Variants in MVB12B observed in about 807,000 individuals in gnomAD.
MVB12B encodes multivesicular body subunit 12B, also known as ESCRT-I complex subunit MVB12B.
MVB12B carries 16 observed loss-of-function variants against 41.6 expected under a neutral mutation model. The observed-to-expected ratio is 0.38, with a 90% CI of 0.26 to 0.58. The LOEUF is 0.58. Among genes scored for constraint, MVB12B ranks in the 20% least tolerant of loss-of-function variants. The pLI is 0.62. For missense variants in MVB12B, 274 were observed against 380.2 expected, an observed-to-expected ratio of 0.72 and a Z score of 2.32; for synonymous variants, 133 against 139.7, an observed-to-expected ratio of 0.95 and a Z score of 0.34.
intron 2 of MVB12B, among the ~76,000 whole-genome samples, chr9:126,352,380 G>A (rs1460984311): frequency 6.6e-6 from 1 of 152,102 alleles, no homozygotes; most frequent in African/African-American, 2.4e-5. Context: ...GTGGGTGTGG[G>A]GCCACAGTAT....
chr9:126,423,073 G>A (rs1832072020), intron 7 of MVB12B, among the ~76,000 whole-genome samples: 2 of 152,186 alleles, frequency 1.3e-5, no homozygotes, highest in Admixed American at 1.3e-4. Context: ...AGTCGACAAG[G>A]AGCATAACAA....
chr9:126,395,640 A>G lies in MVB12B; in HGVS notation c.605A>G (p.Gln202Arg). The change falls in exon 6 of 10, where the codon CAA becomes CGA. Residue 202 changes from glutamine (Q) to arginine (R), a missense_variant. Coordinates refer to ENST00000361171, the MANE Select transcript of MVB12B (RefSeq NM_033446.3). This position sits in a 1 kb window ranked among gnomAD's most constrained non-coding sequence, Gnocchi z 4.9. ...GTACCAAGAAATCATGACTCATCTC[A>G]ACCCACAACGCCTTCCCAGTCATCA... Reference protein sequence around the residue: ...GRVPRNHDSSQPTTPSQSSAA... With the variant: ...GRVPRNHDSSRPTTPSQSSAA... 6.2e-7 allele frequency: 1 copy of G among 1,614,098 alleles called. No individual in the cohort carries two copies. The highest frequency in any genetic ancestry group is 8.5e-7 in the Non-Finnish European group (1 of 1,180,004).
At chr9:126,343,362 C>T (rs1829501326) in intron 2 of MVB12B, among the ~76,000 whole-genome samples, 2 of 152,142 alleles carry the variant, frequency 1.3e-5, no homozygotes, top group South Asian at 2.1e-4. Flanking sequence ...GACTATATGT[C>T]ATAGATGACT....
chr9:126,373,678 G>A (rs999184551), intron 2 of MVB12B, among the ~76,000 whole-genome samples: 1 of 152,206 alleles, frequency 6.6e-6, no homozygotes, highest in Non-Finnish European at 1.5e-5. Context: ...AACCTCTGAC[G>A]GTTGAAATGA....
chr9:126,330,829 A>C (rs370239917), intron 1 of MVB12B, among the ~76,000 whole-genome samples: 14 of 152,222 alleles, frequency 9.2e-5, no homozygotes, highest in African/African-American at 3.4e-4. Flanking sequence ...TACCCTAGGT[A>C]GTCAAACTGT....
In MVB12B at chr9:126,505,573, T is replaced by A. The variant is rs769095293; in HGVS notation, c.*2310T>A. On this transcript the variant is annotated 3_prime_UTR_variant, in exon 10 of 10. Coordinates refer to ENST00000361171, the MANE Select transcript of MVB12B (RefSeq NM_033446.3). ...AAGCAGAGACAGTGTTAAGGACGAG[T>A]TGGTGTCTGTGGTAGCTTTTAGGCT... The A allele has an allele frequency of 2.6e-5, 4 of 151,944 alleles. No homozygotes were observed. The highest frequency in any genetic ancestry group is 4.4e-5 in the Non-Finnish European group (3 of 67,974). The allele number at this position is 151,944 out of a possible 1,614,324, so 9.4% of individuals were successfully genotyped here.
At chr9:126,377,229 G>C (rs1396183811) in intron 2 of MVB12B, among the ~76,000 whole-genome samples, 1 of 152,216 alleles carries the variant, frequency 6.6e-6, no homozygotes, top group Non-Finnish European at 1.5e-5. Flanking sequence ...TACTCCTGGG[G>C]AAGAAATGCT....
At chr9:126,401,782 G>A (rs1158059763) in intron 6 of MVB12B, among the ~76,000 whole-genome samples, 1 of 152,234 alleles carries the variant, frequency 6.6e-6, no homozygotes, top group Non-Finnish European at 1.5e-5. Context: ...CTCTGGACAT[G>A]GGGATCAACT....
intron 1 of MVB12B, among the ~76,000 whole-genome samples, chr9:126,336,754 G>GCGCACACACA (rs1554766432): frequency 4.7e-5 from 7 of 150,292 alleles, no homozygotes; most frequent in Non-Finnish European, 1.0e-4. Context: ...GTGTGTGCAC[G>GCGCACACACA]CACACACACA....
chr9:126,332,660 T>C (rs1488732563), intron 1 of MVB12B, among the ~76,000 whole-genome samples: 2 of 152,178 alleles, frequency 1.3e-5, no homozygotes, highest in Non-Finnish European at 2.9e-5. Context: ...GTCTGACAGC[T>C]CTGCTGTTCC....
chr9:126,346,483 G>A (rs560969115), intron 2 of MVB12B, among the ~76,000 whole-genome samples: 208 of 152,264 alleles, frequency 1.4e-3, no homozygotes, highest in African/African-American at 3.6e-3. Flanking sequence ...CAGCCAGGTC[G>A]GGTGGAGGCG....
intron 7 of MVB12B, among the ~76,000 whole-genome samples, chr9:126,476,992 G>C (rs1332629906): frequency 1.3e-5 from 2 of 151,878 alleles, no homozygotes; most frequent in East Asian, 3.9e-4. Flanking sequence ...TGCTATAAAG[G>C]AATACCTGAG....
intron 2 of MVB12B, among the ~76,000 whole-genome samples, chr9:126,373,786 T>A (rs951606689): frequency 1.8e-4 from 27 of 152,106 alleles, no homozygotes; most frequent in African/African-American, 6.5e-4. Context: ...TTTCACCCCA[T>A]CAAATGAAGT....
rs1352704957 is a variant in MVB12B, at chr9:126,486,164, T to C, written c.873+2132T>C. ...CAGTAAATCATAAAAACCAACCTGATTGTCATATATAGATTTTTTTTTCTT... is the reference window on the plus strand; with the variant it reads ...CAGTAAATCATAAAAACCAACCTGACTGTCATATATAGATTTTTTTTTCTT... On this transcript the variant is annotated intron_variant, in intron 9 of 9. Coordinates refer to ENST00000361171, the MANE Select transcript of MVB12B (RefSeq NM_033446.3). The surrounding 1 kb of genome is among the most constrained non-coding windows in gnomAD (Gnocchi z 4.7). Among the ~76,000 whole-genome samples the C allele has an allele frequency of 6.6e-6, 1 of 152,160 alleles. No individual in the cohort carries two copies. Among genetic ancestry groups the C allele is most frequent in the African/African-American group, 2.4e-5 (1 of 41,428 alleles).
intron 2 of MVB12B, among the ~76,000 whole-genome samples, chr9:126,345,015 C>T (rs949200839): frequency 6.6e-6 from 1 of 152,198 alleles, no homozygotes; most frequent in African/African-American, 2.4e-5. Context: ...ATTGGGGGCA[C>T]ATTGAAAGCA....
intron 6 of MVB12B, among the ~76,000 whole-genome samples, chr9:126,398,107 C>T (rs560358738): frequency 6.6e-6 from 1 of 152,194 alleles, no homozygotes; most frequent in South Asian, 2.1e-4. Flanking sequence ...GCTCCCTGCA[C>T]ATGAGGTGTG....
At chr9:126,500,149 A>G (rs1012484273) in intron 9 of MVB12B, among the ~76,000 whole-genome samples, 2 of 152,020 alleles carry the variant, frequency 1.3e-5, no homozygotes, top group Admixed American at 6.5e-5. Flanking sequence ...CTGGCCGGCC[A>G]GCCCTCAGCA....
chr9:126,410,760 C>T lies in MVB12B; in HGVS notation c.663-11094C>T, dbSNP rs375696430. ...CTATTTCATTGCTCGGGCCTCTTCT[C>T]CCCAGCCACAGTCTTTTCTTTTTGC... On this transcript the variant is annotated intron_variant, in intron 6 of 9. Coordinates refer to ENST00000361171, the MANE Select transcript of MVB12B (RefSeq NM_033446.3). Among the ~76,000 whole-genome samples the T allele has an allele frequency of 1.1e-4, 16 of 152,288 alleles. No individual in the cohort carries two copies. The South Asian group carries it at 1.2e-3, about 12-fold the overall frequency.
intron 6 of MVB12B, among the ~76,000 whole-genome samples, chr9:126,419,112 C>A (rs1325820660): frequency 6.6e-6 from 1 of 152,186 alleles, no homozygotes; most frequent in African/African-American, 2.4e-5. Flanking sequence ...AATGCTCCTG[C>A]CTCCTCTGTG....
Sources: allele counts gnomAD v4.1 joint callset (sites outside exome capture counted in the v4.1 genomes callset), GRCh38; gene constraint gnomAD v4.1.1; non-coding constraint Gnocchi (gnomAD v3.1); transcripts MANE v1.5; gene names NCBI Gene and HGNC (gene_info 2026-07-23, HGNC 2026-07-21).